The following DLGAP2 variants were observed in gnomAD, a reference collection of about 807,000 sequenced individuals.
The protein encoded by DLGAP2 is disks large-associated protein 2.
In DLGAP2, 26 loss-of-function variants were observed where a neutral mutation model predicts 100.3. That is an observed-to-expected ratio of 0.26 (90% CI 0.19 to 0.36). The LOEUF is 0.36. Ranked by LOEUF, DLGAP2 falls within the 10% of genes least tolerant of loss-of-function variation. The probability of loss-of-function intolerance (pLI) is 1.00; values close to 1 mark genes in which losing one functional copy is unlikely to be tolerated. For synonymous variants in DLGAP2, 886 were observed against 630.1 expected, an observed-to-expected ratio of 1.41 and a Z score of -6.08; for missense variants, 1,858 against 1,453.2, an observed-to-expected ratio of 1.28 and a Z score of -4.53.
At chr8:1,373,630 C>G (rs1046322713) in intron 3 of DLGAP2, 3 of 152,270 alleles carry the variant, frequency 2.0e-5, no homozygotes, top group Non-Finnish European at 4.4e-5. Context: ...CTCGCTTCCT[C>G]TCGCTGAAGG....
At chr8:1,640,195 T>C (rs1340210944) in intron 8 of DLGAP2, among the ~76,000 whole-genome samples, 1 of 152,170 alleles carries the variant, frequency 6.6e-6, no homozygotes, top group East Asian at 1.9e-4. Flanking sequence ...ATCCTTGTCG[T>C]AAATCCAGGT....
intron 2 of DLGAP2, among the ~76,000 whole-genome samples, chr8:1,045,049 C>G (rs1211855598): frequency 6.6e-6 from 1 of 152,206 alleles, no homozygotes; most frequent in Non-Finnish European, 1.5e-5. Flanking sequence ...GAGAGAACCT[C>G]CTGCCTATTT....
intron 3 of DLGAP2, among the ~76,000 whole-genome samples, chr8:1,441,626 T>A (rs148580972): frequency 0.014 from 2,088 of 144,632 alleles, 50 homozygotes; most frequent in African/African-American, 0.05. Context: ...AGGCGGAGGT[T>A]GCAGTGAGCC....
intron 12 of DLGAP2, among the ~76,000 whole-genome samples, chr8:1,682,560 A>C (rs926986786): frequency 5.3e-5 from 8 of 151,456 alleles, no homozygotes; most frequent in African/African-American, 7.3e-5. Context: ...CTGCAACCTC[A>C]GCCTCCCGAG....
At chr8:1,142,262 G>A (rs1467110615) in intron 2 of DLGAP2, among the ~76,000 whole-genome samples, 6 of 152,100 alleles carry the variant, frequency 3.9e-5, no homozygotes, top group African/African-American at 1.4e-4. Context: ...CCAACAGAAT[G>A]AAGGGTTATA....
intron 5 of DLGAP2, among the ~76,000 whole-genome samples, chr8:1,554,905 T>G (rs1229406183): frequency 6.6e-6 from 1 of 152,086 alleles, no homozygotes; most frequent in East Asian, 1.9e-4. Flanking sequence ...TTCTCTGTAT[T>G]TGTAGTTTTA....
At chr8:1,337,713 C>A (rs1207686354) in intron 3 of DLGAP2, among the ~76,000 whole-genome samples, 1 of 152,144 alleles carries the variant, frequency 6.6e-6, no homozygotes, top group African/African-American at 2.4e-5. Flanking sequence ...ACTTTATTGA[C>A]ATCTTTCGTG....
chr8:1,284,971 C>T (rs530641795), intron 3 of DLGAP2, among the ~76,000 whole-genome samples: 23 of 152,334 alleles, frequency 1.5e-4, no homozygotes, highest in Non-Finnish European at 5.9e-5. Context: ...GGCTCAAAGC[C>T]AGCAAATGCC....
intron 1 of DLGAP2, among the ~76,000 whole-genome samples, chr8:817,960 G>C (rs912137112): frequency 1.3e-5 from 2 of 152,182 alleles, no homozygotes; most frequent in African/African-American, 4.8e-5. Context: ...GCTTTCAAGA[G>C]TGCATCAGCT....
chr8:1,255,092 C>T (rs1243681192), intron 2 of DLGAP2, among the ~76,000 whole-genome samples: 2 of 128,546 alleles, frequency 1.6e-5, no homozygotes, highest in African/African-American at 6.6e-5. Flanking sequence ...TGTGTCCTCT[C>T]ATCCTGCCTG....
chr8:969,946 C>CAAAACTATT, intron 2 of DLGAP2, among the ~76,000 whole-genome samples: 1 of 152,188 alleles, frequency 6.6e-6, no homozygotes, highest in East Asian at 1.9e-4. Flanking sequence ...TTTTAATATT[C>CAAAACTATT]AAAACTATTA....
At chr8:1,431,956 C>T (rs1238951905) in intron 3 of DLGAP2, among the ~76,000 whole-genome samples, 1 of 151,170 alleles carries the variant, frequency 6.6e-6, no homozygotes, top group East Asian at 2.0e-4. Flanking sequence ...CCAGCCAGCA[C>T]CGCTACGGCT....
intron 3 of DLGAP2, among the ~76,000 whole-genome samples, chr8:1,458,652 G>A (rs903812867): frequency 2.6e-5 from 4 of 152,238 alleles, no homozygotes; most frequent in Admixed American, 6.5e-5. Flanking sequence ...CAGCAGCACA[G>A]ACCTGCGTGT....
At chr8:1,687,018 C>G (rs1274241897) in intron 12 of DLGAP2, among the ~76,000 whole-genome samples, 2 of 152,112 alleles carry the variant, frequency 1.3e-5, no homozygotes, top group Non-Finnish European at 2.9e-5. Flanking sequence ...CCATTAAAAA[C>G]ACACAGAAAC....
intron 3 of DLGAP2, among the ~76,000 whole-genome samples, chr8:1,271,521 C>T (rs1277794379): frequency 1.3e-5 from 2 of 152,130 alleles, no homozygotes; most frequent in African/African-American, 2.4e-5. Flanking sequence ...AACACAGGCA[C>T]GAACGAGATA....
intron 12 of DLGAP2, among the ~76,000 whole-genome samples, chr8:1,689,589 G>A (rs957699107): frequency 6.8e-4 from 104 of 152,292 alleles, no homozygotes; most frequent in Middle Eastern, 3.4e-3. Context: ...TCAGTTTTAG[G>A]GTGTGTCGTG....
In DLGAP2 at chr8:1,093,916, G is replaced by A. The variant is rs373560845; in HGVS notation, c.74-164935G>A. Among the ~76,000 whole-genome samples the A allele has an allele frequency of 2.6e-5, 4 of 152,306 alleles. No individual in the cohort carries two copies. The East Asian group carries it at 5.8e-4, about 22-fold the overall frequency. Reference sequence around the variant, plus strand: ...GGGGTCTGTCTGCATCTGAGGAAGCGGGGCTGAAGTCCATGCCTCTCTGTG... The same window carrying A: ...GGGGTCTGTCTGCATCTGAGGAAGCAGGGCTGAAGTCCATGCCTCTCTGTG... On this transcript the variant is annotated intron_variant, in intron 2 of 14. Coordinates refer to ENST00000637795, the MANE Select transcript of DLGAP2 (RefSeq NM_001346810.2).
chr8:1,508,146 T>C (rs1271080826), intron 4 of DLGAP2, among the ~76,000 whole-genome samples: 1 of 151,862 alleles, frequency 6.6e-6, no homozygotes, highest in Admixed American at 6.6e-5. Flanking sequence ...CATCTAACAT[T>C]TGTGGAACTT....
At chr8:913,777 A>C (rs1272348103) in intron 2 of DLGAP2, among the ~76,000 whole-genome samples, 2 of 152,242 alleles carry the variant, frequency 1.3e-5, no homozygotes, top group Non-Finnish European at 2.9e-5. Context: ...AGTATGTGAT[A>C]CTATATGACC....
Sources: gnomAD v4.1 joint callset for allele counts (sites outside exome capture counted in the v4.1 genomes callset) on GRCh38, gnomAD v4.1.1 for gene constraint, MANE v1.5 for transcripts, NCBI Gene and HGNC (gene_info 2026-07-23, HGNC 2026-07-21) for gene names.